The following SETBP1 variants were observed in gnomAD, a reference collection of about 807,000 sequenced individuals.
SETBP1 encodes the protein SET binding protein 1, also known as SET-binding protein.
SETBP1 carries 9 observed loss-of-function variants against 101.0 expected under a neutral mutation model. That is an observed-to-expected ratio of 0.09 (90% CI 0.05 to 0.16). The LOEUF is 0.16. Ranked by LOEUF, SETBP1 falls within the 10% of genes least tolerant of loss-of-function variation. The pLI is 1.00. For synonymous variants in SETBP1, 818 were observed against 788.5 expected (o/e 1.04, Z -0.63); for missense variants, 1,858 against 2,033.8 (o/e 0.91, Z 1.66).
intron 3 of SETBP1, among the ~76,000 whole-genome samples, chr18:44,898,509 A>C (rs749899606): frequency 2.0e-5 from 3 of 152,158 alleles, no homozygotes; most frequent in African/African-American, 4.8e-5. Context: ...GAGGGCTTCC[A>C]GATGTGTATT....
At chr18:44,823,622 G>A (rs969069366) in intron 2 of SETBP1, among the ~76,000 whole-genome samples, 9 of 152,196 alleles carry the variant, frequency 5.9e-5, no homozygotes, top group African/African-American at 2.2e-4. Flanking sequence ...TCAGGTCAAG[G>A]AAGTTCAAAC....
At chr18:44,857,516 G>A (rs116477396) in intron 2 of SETBP1, among the ~76,000 whole-genome samples, 88 of 149,780 alleles carry the variant, frequency 5.9e-4, no homozygotes, top group African/African-American at 2.2e-3. Flanking sequence ...GAGTGTGTCT[G>A]CAAAAGTGAA....
chr18:44,707,531 G>C (rs577567745), intron 2 of SETBP1, among the ~76,000 whole-genome samples: 16 of 152,302 alleles, frequency 1.1e-4, no homozygotes, highest in African/African-American at 3.9e-4. Flanking sequence ...CATGGTCCTA[G>C]AAGCACATTC....
chr18:44,968,144 T>C (rs1461903245), intron 4 of SETBP1, among the ~76,000 whole-genome samples: 2 of 152,144 alleles, frequency 1.3e-5, no homozygotes, highest in Non-Finnish European at 2.9e-5. Flanking sequence ...TCCTAAAGAA[T>C]TGGTTGGATT....
At chr18:44,926,691 C>T (rs577266815) in intron 3 of SETBP1, among the ~76,000 whole-genome samples, 1 of 152,144 alleles carries the variant, frequency 6.6e-6, no homozygotes, top group Non-Finnish European at 1.5e-5. Flanking sequence ...TAAGAAGCAA[C>T]CAAAATCATC....
chr18:44,767,139 G>A (rs969549845), intron 2 of SETBP1, among the ~76,000 whole-genome samples: 49 of 152,240 alleles, frequency 3.2e-4, no homozygotes, highest in African/African-American at 1.2e-3. Flanking sequence ...TAAAAAGGCT[G>A]TCCAAGAGGA....
intron 2 of SETBP1, among the ~76,000 whole-genome samples, chr18:44,834,949 A>G (rs1238625277): frequency 6.6e-6 from 1 of 152,144 alleles, no homozygotes; most frequent in African/African-American, 2.4e-5. Context: ...AAGCAGAGGA[A>G]AGAGGAAAGG....
intron 2 of SETBP1, among the ~76,000 whole-genome samples, chr18:44,708,660 G>A (rs1015951826): frequency 6.6e-6 from 1 of 152,028 alleles, no homozygotes; most frequent in Non-Finnish European, 1.5e-5. Flanking sequence ...CCTGGGCACC[G>A]GCTCTGCCTC....
intron 1 of SETBP1, among the ~76,000 whole-genome samples, chr18:44,699,029 T>A (rs966498822): frequency 1.3e-5 from 2 of 152,244 alleles, no homozygotes; most frequent in Middle Eastern, 3.2e-3. Context: ...AGCCCATCAA[T>A]TCATCTAAAG....
At chr18:45,025,380 A>G (rs1421378801) in intron 4 of SETBP1, among the ~76,000 whole-genome samples, 12 of 152,210 alleles carry the variant, frequency 7.9e-5, no homozygotes, top group Admixed American at 2.0e-4. Flanking sequence ...GTTCATCACT[A>G]TCGCTTCTCC....
intron 2 of SETBP1, among the ~76,000 whole-genome samples, chr18:44,783,613 A>G (rs1259696907): frequency 6.6e-6 from 1 of 152,234 alleles, no homozygotes; most frequent in Non-Finnish European, 1.5e-5. Context: ...AAAACAAATG[A>G]CAAGGGTAAT....
chr18:44,836,096 A>G (rs1227736495), intron 2 of SETBP1, among the ~76,000 whole-genome samples: 1 of 148,382 alleles, frequency 6.7e-6, no homozygotes, highest in Non-Finnish European at 1.5e-5. Flanking sequence ...ATTCAGAAAC[A>G]TCATTTCCTT....
intron 4 of SETBP1, 125 bp from the exon 5 acceptor site, chr18:45,038,360 C>A (rs2073441064): frequency 1.1e-6 from 1 of 909,470 alleles, no homozygotes; most frequent in Non-Finnish European, 1.8e-6. Context: ...AAATTTCATT[C>A]TTGTTGTACC....
chr18:44,733,013 A>AG (rs1392679838), intron 2 of SETBP1: 2 of 152,194 alleles, frequency 1.3e-5, no homozygotes, highest in African/African-American at 4.8e-5. Context: ...GGAAAAAAAA[A>AG]ATAATCAGAA....
At chr18:44,965,637 T>C (rs1454270406) in intron 4 of SETBP1, among the ~76,000 whole-genome samples, 1 of 152,162 alleles carries the variant, frequency 6.6e-6, no homozygotes, top group African/African-American at 2.4e-5. Flanking sequence ...AAAACAAAAT[T>C]TTCCAGGAGA....
chr18:44,929,451 GT>G (rs992324900), intron 3 of SETBP1, among the ~76,000 whole-genome samples: 1 of 152,160 alleles, frequency 6.6e-6, no homozygotes, highest in African/African-American at 2.4e-5. Context: ...CTTTAAAGTA[GT>G]TTTTTCCAAT....
chr18:45,001,540 C>G (rs893148416), intron 4 of SETBP1, among the ~76,000 whole-genome samples: 7 of 152,104 alleles, frequency 4.6e-5, no homozygotes, highest in Admixed American at 4.6e-4. Context: ...TGCCTGTGTT[C>G]AGGCAGAACT....
At chr18:44,690,258 G>A (rs2068907331) in intron 1 of SETBP1, among the ~76,000 whole-genome samples, 1 of 152,208 alleles carries the variant, frequency 6.6e-6, no homozygotes, top group South Asian at 2.1e-4. Context: ...GTAGCTAGAG[G>A]AGATATATCA....
At chr18:44,712,175 T>G (rs2069362040) in intron 2 of SETBP1, among the ~76,000 whole-genome samples, 2 of 152,130 alleles carry the variant, frequency 1.3e-5, no homozygotes, top group African/African-American at 4.8e-5. Flanking sequence ...TTTATTGTGG[T>G]TCCCTCCCTC....
Sources: allele counts gnomAD v4.1 joint callset (sites outside exome capture counted in the v4.1 genomes callset), GRCh38; gene constraint gnomAD v4.1.1; transcripts MANE v1.5; gene names NCBI Gene and HGNC (gene_info 2026-07-23, HGNC 2026-07-21).